The following CFAP276 variants were observed in gnomAD, a reference collection of about 807,000 sequenced individuals.
CFAP276 encodes the protein cilia and flagella associated protein 276, also known as cilia- and flagella-associated protein 276.
the CFAP276 span, chr1:109,107,782 G>A: frequency 3.1e-6 from 2 of 653,654 alleles, no homozygotes; most frequent in South Asian, 4.1e-5. Flanking sequence ...GGAGGCAGAG[G>A]CAGGAGGATT....
At chr1:109,106,695 AAATC>A in the CFAP276 span, 4 of 1,603,454 alleles carry the variant, frequency 2.5e-6, no homozygotes, top group African/African-American at 1.3e-5. Context: ...GTGGAGAGTG[AAATC>A]AATCAGAGAA....
At chr1:109,112,777 C>T in the CFAP276 span, 1 of 1,500,152 alleles carries the variant, frequency 6.7e-7, no homozygotes. Flanking sequence ...GTTTGGAGCG[C>T]TGGTTTCGGT....
the CFAP276 span, chr1:109,106,409 T>C: frequency 1.6e-6 from 2 of 1,268,334 alleles, no homozygotes; most frequent in Non-Finnish European, 2.2e-6. Context: ...TAATCATTGC[T>C]TTCCAAGACC....
chr1:109,110,532 G>A, the CFAP276 span, among the ~76,000 whole-genome samples: 1 of 152,098 alleles, frequency 6.6e-6, no homozygotes, highest in African/African-American at 2.4e-5. Context: ...GCTCCTCTGG[G>A]TTTTCCTCTT....
the CFAP276 span, among the ~76,000 whole-genome samples, chr1:109,110,214 CCAGCCT>C: frequency 2.0e-5 from 3 of 152,234 alleles, no homozygotes; most frequent in African/African-American, 7.2e-5. Flanking sequence ...TCTTCTGACC[CCAGCCT>C]CACTTCATTT....
At chr1:109,109,970 C>A in the CFAP276 span, among the ~76,000 whole-genome samples, 1 of 152,314 alleles carries the variant, frequency 6.6e-6, no homozygotes, top group South Asian at 2.1e-4. Context: ...TGGCCCTGAG[C>A]AGCACTCCTC....
At chr1:109,113,742 C>T in the CFAP276 span, 1 of 1,572,712 alleles carries the variant, frequency 6.4e-7, no homozygotes, top group Non-Finnish European at 8.7e-7. Context: ...TAACCCCTGG[C>T]CCGAAAGGGC....
chr1:109,107,902 A>G, the CFAP276 span: 1 of 1,578,542 alleles, frequency 6.3e-7, no homozygotes, highest in Non-Finnish European at 8.7e-7. Flanking sequence ...AAGAGGAATA[A>G]TATTTCAATG....
the CFAP276 span, chr1:109,106,827 G>T: frequency 1.1e-6 from 1 of 915,200 alleles, no homozygotes; most frequent in Non-Finnish European, 1.6e-6. Context: ...AATCTTGGGA[G>T]ATTTCTGTTC....
chr1:109,107,073 TG>T, the CFAP276 span: 1 of 1,614,196 alleles, frequency 6.2e-7, no homozygotes, highest in African/African-American at 1.3e-5. Context: ...TGTCCCAGTG[TG>T]GTGGTTGTAC....
At chr1:109,113,652 C>CGACGTCTGGAGGGTGA in the CFAP276 span, 5 of 1,613,906 alleles carry the variant, frequency 3.1e-6, no homozygotes, top group African/African-American at 6.7e-5. Flanking sequence ...TTCCAGGCGA[C>CGACGTCTGGAGGGTGA]GACGTCTGGA....
At chr1:109,106,757 C>A in the CFAP276 span, 1 of 1,387,498 alleles carries the variant, frequency 7.2e-7, no homozygotes, top group Non-Finnish European at 9.9e-7. Context: ...AATAAAGCAG[C>A]CAAAGACTCT....
the CFAP276 span, among the ~76,000 whole-genome samples, chr1:109,108,738 GT>G: frequency 6.6e-6 from 1 of 152,294 alleles, no homozygotes; most frequent in Non-Finnish European, 1.5e-5. Context: ...AGAAGTCTTG[GT>G]TGTCCACATG....
chr1:109,113,604 G>T, the CFAP276 span: 29 of 1,612,288 alleles, frequency 1.8e-5, no homozygotes, highest in Non-Finnish European at 2.5e-5. Flanking sequence ...AGATCTCCAG[G>T]AGTGGCCTTC....
the CFAP276 span, among the ~76,000 whole-genome samples, chr1:109,113,415 AAAGAGAGAGAGAGAGAGAGAGAGAG>A: frequency 8.8e-6 from 1 of 113,742 alleles, no homozygotes; most frequent in Non-Finnish European, 1.8e-5. Context: ...AGAGAGAGAG[AAAGAGAGAGAGAGAGAGAGAGAGAG>A]AGAGAGAGAG....
chr1:109,112,473 G>T, the CFAP276 span: 1 of 1,357,770 alleles, frequency 7.4e-7, no homozygotes, highest in South Asian at 1.6e-5. Context: ...GCAGAAAACA[G>T]ACTTCCCTGG....
chr1:109,106,158 A>G, the CFAP276 span: 1 of 1,397,554 alleles, frequency 7.2e-7, no homozygotes. Context: ...TTTTCTAGGA[A>G]ACTTTAAACA....
the CFAP276 span, among the ~76,000 whole-genome samples, chr1:109,110,513 G>C: frequency 6.6e-6 from 1 of 152,132 alleles, no homozygotes; most frequent in African/African-American, 2.4e-5. Context: ...ACCAAGCTCT[G>C]TGGGCCCAGC....
At chr1:109,110,471 G>T in the CFAP276 span, among the ~76,000 whole-genome samples, 1 of 152,068 alleles carries the variant, frequency 6.6e-6, no homozygotes, top group Non-Finnish European at 1.5e-5. Flanking sequence ...GCTGTTTCTG[G>T]CACCATAATG....
Sources: allele counts gnomAD v4.1 joint callset (sites outside exome capture counted in the v4.1 genomes callset), GRCh38; gene constraint gnomAD v4.1.1; transcripts MANE v1.5; gene names NCBI Gene and HGNC (gene_info 2026-07-23, HGNC 2026-07-21).